AFF2: variants seen among roughly 807,000 people sequenced by gnomAD.
The protein encoded by AFF2 is AF4/FMR2 family member 2.
Under a neutral mutation model 76.9 loss-of-function variants are expected in AFF2, and 14 were observed. The ratio of observed to expected loss-of-function variants is 0.18; its 90% CI spans 0.12 to 0.28. AFF2 has a LOEUF of 0.28. Ranked by LOEUF, AFF2 falls within the 10% of genes least tolerant of loss-of-function variation. The probability of loss-of-function intolerance (pLI) is 1.00; values close to 1 mark genes in which losing one functional copy is unlikely to be tolerated. For synonymous variants in AFF2, 398 were observed against 366.7 expected, an observed-to-expected ratio of 1.09 and a Z score of -0.98; for missense variants, 868 against 1,001.1, an observed-to-expected ratio of 0.87 and a Z score of 1.79.
At chrX:148,546,105 G>A (rs2052918269) in intron 1 of AFF2, among the ~76,000 whole-genome samples, 1 of 111,759 alleles carries the variant, frequency 8.9e-6, no homozygotes, top group Admixed American at 9.5e-5. Context: ...CTATTATCCA[G>A]CACTGTTAAT....
At chrX:148,594,964 T>G (rs1245671654) in intron 1 of AFF2, among the ~76,000 whole-genome samples, 1 of 111,797 alleles carries the variant, frequency 8.9e-6, no homozygotes, top group Admixed American at 9.5e-5. Flanking sequence ...GACTGCCAGT[T>G]TGCTTCCACT....
intron 3 of AFF2, among the ~76,000 whole-genome samples, chrX:148,768,901 G>A (rs1174001450): frequency 1.8e-5 from 2 of 112,327 alleles, no homozygotes; most frequent in African/African-American, 6.5e-5. Context: ...TCAAGATCAA[G>A]TTCAAGATTC....
rs782450094 is a variant in AFF2, at chrX:148,999,778, G to C, written c.*8446G>C. On this transcript the variant is annotated 3_prime_UTR_variant, in exon 21 of 21. Transcript: ENST00000370460. Reference sequence around the variant, plus strand: ...AATGAAAATTCCTTTCCTCTTGGAAGCTTTGGTCATAATATCATGGTTCAA... The same window carrying C: ...AATGAAAATTCCTTTCCTCTTGGAACCTTTGGTCATAATATCATGGTTCAA... The C allele has an allele frequency of 1.2e-4, 13 of 112,608 alleles. No homozygotes were observed. Among genetic ancestry groups the C allele is most frequent in the Non-Finnish European group, 2.4e-4 (13 of 53,330 alleles). The allele number at this position is 112,608 out of a possible 1,213,427, so 9.3% of individuals were successfully genotyped here. A position where few individuals can be genotyped will look rare whatever the true frequency, so the allele number is the denominator to read the frequency against.
chrX:148,524,109 CTCTCTCTCTCTCTCTGTG>C (rs1765350947), intron 1 of AFF2, among the ~76,000 whole-genome samples: 1 of 75,767 alleles, frequency 1.3e-5, no homozygotes, highest in East Asian at 1.2e-3. Context: ...CTCTCTCTCT[CTCTCTCTCTCTCTCTGTG>C]TGTGTGTGTG....
At chrX:148,976,150 C>T (rs959811143) in intron 16 of AFF2, among the ~76,000 whole-genome samples, 7 of 110,546 alleles carry the variant, frequency 6.3e-5, no homozygotes, top group South Asian at 7.9e-4. Context: ...GGAGAATTTA[C>T]GAGCATTCAC....
intron 1 of AFF2, among the ~76,000 whole-genome samples, chrX:148,645,035 T>C (rs187152850): frequency 1.8e-3 from 204 of 112,348 alleles, no homozygotes; most frequent in African/African-American, 6.2e-3. Flanking sequence ...CATTTTTAAA[T>C]TGACCAACTT....
intron 1 of AFF2, among the ~76,000 whole-genome samples, chrX:148,598,658 AT>A (rs1346478804): frequency 8.9e-6 from 1 of 112,027 alleles, no homozygotes; most frequent in Admixed American, 9.4e-5. Context: ...AAATAAACAG[AT>A]AAAAACCTAC....
At chrX:148,936,522 A>G (rs2071777167) in intron 9 of AFF2, among the ~76,000 whole-genome samples, 1 of 112,670 alleles carries the variant, frequency 8.9e-6, no homozygotes, top group Non-Finnish European at 1.9e-5. Flanking sequence ...AAATTGGAAG[A>G]TTACATTCCC....
chrX:148,615,682 A>G (rs1030128354), intron 1 of AFF2, among the ~76,000 whole-genome samples: 1 of 111,873 alleles, frequency 8.9e-6, no homozygotes. Context: ...CAACCCATTT[A>G]GCCCATTATT....
intron 1 of AFF2, among the ~76,000 whole-genome samples, chrX:148,520,793 T>TAAA (rs1190887426): frequency 1.8e-5 from 2 of 112,083 alleles, no homozygotes; most frequent in Admixed American, 1.9e-4. Context: ...TTCCTTTTTC[T>TAAA]AAAAAAAATA....
At chrX:148,543,072 G>A (rs2124270632) in intron 1 of AFF2, among the ~76,000 whole-genome samples, 1 of 111,751 alleles carries the variant, frequency 8.9e-6, no homozygotes, top group African/African-American at 3.3e-5. Flanking sequence ...GGCAGAGCCA[G>A]GACTGGATCC....
intron 1 of AFF2, among the ~76,000 whole-genome samples, chrX:148,510,877 A>G (rs899997831): frequency 3.6e-5 from 4 of 111,944 alleles, no homozygotes; most frequent in African/African-American, 1.3e-4. Flanking sequence ...CCTGCTTAAT[A>G]CTTTGTGTGA....
At chrX:148,820,113 C>G (rs981585262) in intron 4 of AFF2, among the ~76,000 whole-genome samples, 1 of 111,568 alleles carries the variant, frequency 9.0e-6, no homozygotes, top group Non-Finnish European at 1.9e-5. Flanking sequence ...AGTTCCTTTT[C>G]CTTTCCATAT....
At chrX:148,806,182 T>C (rs904528030) in intron 3 of AFF2, among the ~76,000 whole-genome samples, 4 of 112,445 alleles carry the variant, frequency 3.6e-5, no homozygotes, top group Admixed American at 9.4e-5. Flanking sequence ...CCAGAATTAC[T>C]GCGAAGACGT....
intron 3 of AFF2, among the ~76,000 whole-genome samples, chrX:148,710,551 G>A (rs1557262816): frequency 9.0e-6 from 1 of 111,697 alleles, no homozygotes; most frequent in Admixed American, 9.5e-5. Flanking sequence ...CAATTCAGTG[G>A]CATTAAGTAT....
At chrX:148,547,462 C>T (rs145952876) in intron 1 of AFF2, 2,177 of 111,881 alleles carry the variant, frequency 0.019, 22 homozygotes, top group South Asian at 0.042. Context: ...TAGCAGAAAG[C>T]CATGAACTAG....
At chrX:148,557,012 T>C (rs1207168651) in intron 1 of AFF2, among the ~76,000 whole-genome samples, 2 of 111,932 alleles carry the variant, frequency 1.8e-5, no homozygotes, top group African/African-American at 3.2e-5. Flanking sequence ...ATTTGGTGAG[T>C]AAGGAGGCTG....
chrX:148,570,626 G>T (rs906637073), intron 1 of AFF2, among the ~76,000 whole-genome samples: 7 of 111,191 alleles, frequency 6.3e-5, no homozygotes, highest in Non-Finnish European at 1.3e-4. Context: ...TGGTTTCCTG[G>T]AGCTGCTGAA....
chrX:148,639,853 G>A (rs2054069953), intron 1 of AFF2, among the ~76,000 whole-genome samples: 1 of 111,744 alleles, frequency 8.9e-6, no homozygotes, highest in Non-Finnish European at 1.9e-5. Flanking sequence ...TGCCGAGAAT[G>A]TTTTCTTTAT....
Sources: gnomAD v4.1 joint callset for allele counts (sites outside exome capture counted in the v4.1 genomes callset) on GRCh38, gnomAD v4.1.1 for gene constraint, MANE v1.5 for transcripts, NCBI Gene and HGNC (gene_info 2026-07-23, HGNC 2026-07-21) for gene names.